The following ZNF536 variants were observed in gnomAD, a reference collection of about 807,000 sequenced individuals.
ZNF536 encodes zinc finger protein 536.
Under a neutral mutation model 84.5 loss-of-function variants are expected in ZNF536, and 13 were observed. The observed-to-expected ratio is 0.15, with a 90% confidence interval of 0.10 to 0.24. The LOEUF (loss-of-function observed/expected upper bound fraction) is 0.24. ZNF536 is among the 10% of genes least tolerant of loss of function. ZNF536 has a pLI of 1.00. For synonymous variants in ZNF536, 811 were observed against 742.5 expected (o/e 1.09, Z -1.50); for missense variants, 1,536 against 1,747.5 (o/e 0.88, Z 2.16).
At chr19:30,488,949 T>G (rs1248585992) in intron 2 of ZNF536, among the ~76,000 whole-genome samples, 1 of 152,116 alleles carries the variant, frequency 6.6e-6, no homozygotes, top group Admixed American at 6.5e-5. Flanking sequence ...AGCATTAGAG[T>G]CTCTTTAAGT....
Position 30,548,685 on chromosome 19 carries a change from C to G in ZNF536, c.3066C>G (p.Ala1022=), listed in dbSNP as rs1568541935. 1 of 1,614,058 alleles carries G rather than the reference C, an allele frequency of 6.2e-7. No individual in the cohort carries two copies. Among genetic ancestry groups the G allele is most frequent in the South Asian group, 1.1e-5 (1 of 91,080 alleles). ...AGCTCATGGCCCTTCATCTCCAGGC[C>G]AACCACCTGGGCAAAGCGAAACGCA... ...SMELMALHLQ[A]NHLGKAKRKD... Residue 1022 remains alanine, a synonymous_variant, in exon 4 of 5, where the codon GCC becomes GCG. Transcript: ENST00000355537.
chr19:30,586,664 C>T (rs2047107162), intron 1 of ZNF536, among the ~76,000 whole-genome samples: 1 of 152,148 alleles, frequency 6.6e-6, no homozygotes, highest in African/African-American at 2.4e-5. Context: ...GCAACTGTAC[C>T]TTCTGGAAAT....
chr19:30,580,089 C>T (rs1347715382), intron 1 of ZNF536, among the ~76,000 whole-genome samples: 4 of 152,200 alleles, frequency 2.6e-5, no homozygotes, highest in East Asian at 1.9e-4. Context: ...GGCTCCCTCC[C>T]TCATCTTCAA....
chr19:30,588,971 G>C (rs936196672), intron 1 of ZNF536, among the ~76,000 whole-genome samples: 1 of 152,226 alleles, frequency 6.6e-6, no homozygotes, highest in African/African-American at 2.4e-5. Flanking sequence ...ATTGGGATGT[G>C]AGGTGTGGCC....
intron 1 of ZNF536, among the ~76,000 whole-genome samples, chr19:30,618,202 T>C (rs1414572008): frequency 6.6e-6 from 1 of 152,212 alleles, no homozygotes; most frequent in African/African-American, 2.4e-5. Context: ...AATGCCCCAC[T>C]TAGGTAATTG....
intron 1 of ZNF536, among the ~76,000 whole-genome samples, chr19:30,419,025 T>C (rs1282485040): frequency 6.6e-6 from 1 of 152,246 alleles, no homozygotes; most frequent in Non-Finnish European, 1.5e-5. Context: ...AAATACACAA[T>C]AGCATTCAGA....
chr19:30,502,053 A>G (rs765459787), intron 2 of ZNF536, among the ~76,000 whole-genome samples: 2 of 152,198 alleles, frequency 1.3e-5, no homozygotes, highest in Non-Finnish European at 2.9e-5. Context: ...TTACTCAGTA[A>G]GTAATGTAGA....
At chr19:30,632,653 AC>A (rs2048933275) in intron 1 of ZNF536, among the ~76,000 whole-genome samples, 1 of 666 alleles carries the variant, frequency 1.5e-3, no homozygotes, top group Non-Finnish European at 0.012. Context: ...CAACCAACAA[AC>A]CAACCAACCA....
intron 1 of ZNF536, among the ~76,000 whole-genome samples, chr19:30,658,539 TCACA>T (rs144517985): frequency 1.3e-5 from 2 of 149,146 alleles, no homozygotes; most frequent in Non-Finnish European, 1.5e-5. Flanking sequence ...CCTCTCTCTG[TCACA>T]CACACACACA....
At position 30,344,296 on chromosome 19, in the gene ZNF536, C is replaced by A. The variant is rs1238358167; in HGVS notation, c.-119-8072C>A. Among the ~76,000 whole-genome samples, 21 of 29,048 alleles carry A rather than the reference C, an allele frequency of 7.2e-4. 4 individuals carry two copies. The Admixed American group carries it at 9.0e-3, about 12-fold the overall frequency. The allele number at this position is 29,048 out of a possible 152,430, so 19.1% of individuals were successfully genotyped here. A position where few individuals can be genotyped will look rare whatever the true frequency, so the allele number is the denominator to read the frequency against. ...TCTACTAAAAATACACACACACACA[C>A]AAATATATTGGCGGCCTCCTATAAT... On this transcript the variant is annotated intron_variant, in intron 2 of 5. Coordinates refer to the ZNF536 transcript ENST00000585628.
chr19:30,302,776 C>A (rs1360302395), intron 2 of ZNF536, among the ~76,000 whole-genome samples: 2 of 151,922 alleles, frequency 1.3e-5, no homozygotes, highest in Admixed American at 6.6e-5. Flanking sequence ...TCCAGATAAA[C>A]CCCTCAACTG....
At chr19:30,632,651 AAACCAACCAACCAACCAACC>A (rs34446654) in intron 1 of ZNF536, among the ~76,000 whole-genome samples, 4 of 149,594 alleles carry the variant, frequency 2.7e-5, no homozygotes, top group Non-Finnish European at 5.9e-5. Context: ...ATCAACCAAC[AAACCAACCAACCAACCAACC>A]AACCAACCAA....
At chr19:30,233,765 G>A (rs573250227) in intron 1 of ZNF536, among the ~76,000 whole-genome samples, 4 of 152,286 alleles carry the variant, frequency 2.6e-5, no homozygotes, top group Admixed American at 2.6e-4. Context: ...GCAATGGGAG[G>A]GGTAGGTGGT....
chr19:30,446,976 G>A (rs546442827), intron 2 of ZNF536, among the ~76,000 whole-genome samples: 24 of 152,274 alleles, frequency 1.6e-4, no homozygotes, highest in Non-Finnish European at 3.1e-4. Flanking sequence ...TATAAAGAAA[G>A]CACCTCGCTA....
chr19:30,666,126 T>C (rs1379866214), intron 1 of ZNF536, among the ~76,000 whole-genome samples: 1 of 152,222 alleles, frequency 6.6e-6, no homozygotes, highest in Non-Finnish European at 1.5e-5. Flanking sequence ...AAGGTGCCTA[T>C]CTGCAGACAT....
At chr19:30,569,176 G>C (rs1466621127) in intron 1 of ZNF536, among the ~76,000 whole-genome samples, 2 of 152,120 alleles carry the variant, frequency 1.3e-5, no homozygotes, top group East Asian at 3.9e-4. Context: ...CCCTAATAAT[G>C]AGTAGAGATG....
intron 1 of ZNF536, among the ~76,000 whole-genome samples, chr19:30,632,149 A>G (rs1435738357): frequency 6.6e-6 from 1 of 152,188 alleles, no homozygotes; most frequent in Non-Finnish European, 1.5e-5. Context: ...TCACTGGAAG[A>G]AGTCTCTTTG....
At chr19:30,454,629 G>T (rs2052753268) in intron 2 of ZNF536, among the ~76,000 whole-genome samples, 1 of 152,250 alleles carries the variant, frequency 6.6e-6, no homozygotes, top group Non-Finnish European at 1.5e-5. Flanking sequence ...CAGCAAAGCT[G>T]CTATGTGGCA....
chr19:30,521,813 TGG>T (rs1435432847), intron 2 of ZNF536, among the ~76,000 whole-genome samples: 1 of 152,102 alleles, frequency 6.6e-6, no homozygotes, highest in Admixed American at 6.5e-5. Flanking sequence ...CGGTGATAAC[TGG>T]GAGTGACGTG....
Sources: allele counts gnomAD v4.1 joint callset (sites outside exome capture counted in the v4.1 genomes callset), GRCh38; gene constraint gnomAD v4.1.1; transcripts MANE v1.5; gene names NCBI Gene and HGNC (gene_info 2026-07-23, HGNC 2026-07-21).